The following DMXL2 variants were observed in gnomAD, a reference collection of about 807,000 sequenced individuals.
The protein encoded by DMXL2 is Dmx like 2.
Under a neutral mutation model 331.1 loss-of-function variants are expected in DMXL2, and 103 were observed. The ratio of observed to expected loss-of-function variants is 0.31; its 90% CI spans 0.27 to 0.37. The LOEUF (loss-of-function observed/expected upper bound fraction) is 0.37, where lower values mean the gene tolerates loss of function less well. Among genes scored for constraint, DMXL2 ranks in the 10% least tolerant of loss-of-function variants. The pLI, the probability that DMXL2 is intolerant of heterozygous loss-of-function variation, is 1.00. For synonymous variants in DMXL2, 1,281 were observed against 1,252.1 expected, an observed-to-expected ratio of 1.02 and a Z score of -0.49; for missense variants, 3,171 against 3,642.9, an observed-to-expected ratio of 0.87 and a Z score of 3.33.
At chr15:51,518,808 T>C (rs1366575158) in intron 13 of DMXL2, among the ~76,000 whole-genome samples, 2 of 152,164 alleles carry the variant, frequency 1.3e-5, no homozygotes, top group Non-Finnish European at 2.9e-5. Flanking sequence ...ATTAACAGAC[T>C]TTCTGAACAC....
At chr15:51,488,949 G>A (rs1287011068) in intron 20 of DMXL2, among the ~76,000 whole-genome samples, 1 of 152,122 alleles carries the variant, frequency 6.6e-6, no homozygotes, top group Non-Finnish European at 1.5e-5. Context: ...AAACCATGAG[G>A]CACTATCATT....
In DMXL2 at chr15:51,458,612, T is replaced by C. The variant is rs1426299011; in HGVS notation, c.8092A>G (p.Ile2698Val). The change falls in exon 36 of 44, where the codon ATT (isoleucine) becomes GTT (valine). Residue 2698 changes from isoleucine (I) to valine (V), a missense_variant. Transcript: ENST00000560891. ...FSVNKANCNE[I>V]VLASTHDVQE... ...ACATCATGTGTTGAAGCCAAAACAATTTCATTACAATTTGCCTATAAAGCA... is the reference window on the plus strand; with the variant it reads ...ACATCATGTGTTGAAGCCAAAACAACTTCATTACAATTTGCCTATAAAGCA... 6.2e-6 allele frequency: 10 copies of C among 1,613,848 alleles called. No individual in the cohort carries two copies. The Admixed American group carries it at 1.7e-4, about 27-fold the overall frequency.
intron 23 of DMXL2, among the ~76,000 whole-genome samples, chr15:51,482,238 T>C (rs1210087412): frequency 6.6e-6 from 1 of 152,088 alleles, no homozygotes; most frequent in Non-Finnish European, 1.5e-5. Context: ...TGACTGTACA[T>C]CCTTAGCAGA....
chr15:51,488,829 G>A (rs887511356), intron 20 of DMXL2, among the ~76,000 whole-genome samples, 184 bp from the exon 21 acceptor site: 1 of 152,050 alleles, frequency 6.6e-6, no homozygotes, highest in East Asian at 1.9e-4. Context: ...ATAACCATTC[G>A]CAAGCCAGTA....
At chr15:51,490,800 T>C (rs1324004495) in intron 20 of DMXL2, among the ~76,000 whole-genome samples, 1 of 152,172 alleles carries the variant, frequency 6.6e-6, no homozygotes, top group Non-Finnish European at 1.5e-5. Context: ...CCATTTCACT[T>C]GCTGCCACAG....
intron 29 of DMXL2, among the ~76,000 whole-genome samples, chr15:51,470,133 G>T (rs772650502): frequency 6.6e-6 from 1 of 152,104 alleles, no homozygotes; most frequent in African/African-American, 2.4e-5. Context: ...AACCACTGAC[G>T]TAACCAAAGT....
At chr15:51,539,817 T>G (rs1596180164) in intron 9 of DMXL2, among the ~76,000 whole-genome samples, 2 of 152,182 alleles carry the variant, frequency 1.3e-5, no homozygotes, top group Middle Eastern at 6.8e-3. Flanking sequence ...AATCAAAAAC[T>G]TAATCTCCTT....
chr15:51,460,436 C>T (rs987957566), intron 33 of DMXL2: 10 of 922,448 alleles, frequency 1.1e-5, no homozygotes, highest in African/African-American at 3.6e-5. Flanking sequence ...GCACAGCTAA[C>T]TCAGTGAAGG....
chr15:51,480,821 T>C lies in DMXL2; in HGVS notation c.6285A>G (p.Lys2095=), dbSNP rs756414935. The part of the protein sequence containing the change: ...HEICNHESVI[K]EYSSKTYSKV... ...TGGAATATGTCTTACTGGAATACTC[T>C]TTAATAACTGATTCATGATTACATA... Residue 2095 remains lysine, a synonymous_variant, in exon 24 of 44, where the codon AAA becomes AAG. Transcript: ENST00000560891. The C allele has an allele frequency of 6.2e-7, 1 of 1,612,220 alleles. No individual in the cohort carries two copies. Among genetic ancestry groups the C allele is most frequent in the South Asian group, 1.1e-5 (1 of 90,694 alleles).
At chr15:51,490,416 G>A (rs1483597954) in intron 20 of DMXL2, among the ~76,000 whole-genome samples, 3 of 152,188 alleles carry the variant, frequency 2.0e-5, no homozygotes, top group African/African-American at 7.2e-5. Context: ...AAAGGTCTTT[G>A]CATCCTTCGG....
chr15:51,538,487 T>G (rs748453340), intron 9 of DMXL2, 35 bp from the exon 10 acceptor site: 1 of 1,494,226 alleles, frequency 6.7e-7, no homozygotes, highest in Admixed American at 2.2e-5. Context: ...TATAATTTTT[T>G]TTATTTCTTT....
At chr15:51,610,274 A>AT (rs1434890559) in intron 1 of DMXL2, among the ~76,000 whole-genome samples, 2 of 152,244 alleles carry the variant, frequency 1.3e-5, no homozygotes, top group Non-Finnish European at 2.9e-5. Context: ...AATAAATAAA[A>AT]CAAAATTAAC....
At chr15:51,455,021 C>A in intron 40 of DMXL2, 130 bp downstream of exon 40, 1 of 716,708 alleles carries the variant, frequency 1.4e-6, no homozygotes, top group Non-Finnish European at 2.5e-6. Context: ...GTGCTGCTGT[C>A]AGGCTGGGAT....
At chr15:51,586,370 C>T (rs1253823643) in intron 1 of DMXL2, among the ~76,000 whole-genome samples, 2 of 151,760 alleles carry the variant, frequency 1.3e-5, no homozygotes, top group Non-Finnish European at 2.9e-5. Flanking sequence ...AGCTTGACTA[C>T]AAATATGTAA....
Position 51,544,768 on chromosome 15 carries a change from C to T in DMXL2, c.930+815G>A, listed in dbSNP as rs559366179. 9.9e-5 allele frequency among the ~76,000 whole-genome samples: 15 copies of T among 152,074 alleles called. No individual in the cohort carries two copies. In the South Asian group the frequency reaches 2.3e-3, roughly 23 times the overall value. Reference sequence around the variant, plus strand: ...TATTACTGCATAATATGATCTCAATCGTATAAAGAAAAATACACATATTCA... The same window carrying T: ...TATTACTGCATAATATGATCTCAATTGTATAAAGAAAAATACACATATTCA... On this transcript the variant is annotated intron_variant, in intron 8 of 43. Transcript: ENST00000560891.
rs1341179071 is a variant in DMXL2, at chr15:51,453,696, C to T, written c.8605-55G>A. On this transcript the variant is annotated intron_variant, in intron 40 of 43. Transcript: ENST00000560891. ...TTTTACCATTGGATAAAATTTGATA[C>T]AGTACCAACATACATGTCTGCTAAT... The T allele has an allele frequency of 7.8e-6, 11 of 1,405,136 alleles. No homozygotes were observed. In the Admixed American group the frequency reaches 1.4e-4, roughly 18 times the overall value. 87.0% of individuals were successfully genotyped at this position (1,405,136 alleles called of 1,614,324 possible). A position where few individuals can be genotyped will look rare whatever the true frequency, so the allele number is the denominator to read the frequency against.
At chr15:51,476,775 T>C in intron 26 of DMXL2, 56 bp from the exon 27 acceptor site, 1 of 1,452,848 alleles carries the variant, frequency 6.9e-7, no homozygotes, top group South Asian at 1.4e-5. Flanking sequence ...AAAATTGCAC[T>C]TTATGTATAT....
At chr15:51,449,814 G>C (rs1010290263) in intron 43 of DMXL2, among the ~76,000 whole-genome samples, 2 of 152,096 alleles carry the variant, frequency 1.3e-5, no homozygotes, top group Admixed American at 1.3e-4. Context: ...AGGGAGAGGG[G>C]AGAAGCTTCT....
Position 51,536,553 on chromosome 15 carries a change from T to G in DMXL2, c.1927A>C (p.Lys643Gln), listed in dbSNP as rs138260581. The change falls in exon 12 of 44, where the codon AAA becomes CAA. Residue 643 changes from lysine (K) to glutamine (Q), a missense_variant. Transcript: ENST00000560891. ...AFTTVLTVSH[K>Q]FRYCGHRFHL... ...AATCGATGACCGCAATATCTAAATT[T>G]GTGAGATACAGTTAGAACAGTGGTA... The G allele has an allele frequency of 8.1e-6, 13 of 1,613,934 alleles. No individual in the cohort carries two copies. The African/African-American group carries it at 1.7e-4, about 22-fold the overall frequency.
Sources: allele counts gnomAD v4.1 joint callset (sites outside exome capture counted in the v4.1 genomes callset), GRCh38; gene constraint gnomAD v4.1.1; transcripts MANE v1.5; gene names NCBI Gene and HGNC (gene_info 2026-07-23, HGNC 2026-07-21).